The following CPLANE1 variants were observed in gnomAD, a reference collection of about 807,000 sequenced individuals.
The protein encoded by CPLANE1 is ciliogenesis and planar polarity effector 1.
CPLANE1 carries 263 observed loss-of-function variants against 362.5 expected under a neutral mutation model. The ratio of observed to expected loss-of-function variants is 0.73; its 90% CI spans 0.66 to 0.80. The LOEUF (loss-of-function observed/expected upper bound fraction) is 0.80, where lower values mean the gene tolerates loss of function less well. Among genes scored for constraint, CPLANE1 ranks in the 30% least tolerant of loss-of-function variants. CPLANE1 has a pLI of 0.00. For synonymous variants in CPLANE1, 1,212 were observed against 1,302.6 expected, an observed-to-expected ratio of 0.93 and a Z score of 1.50; for missense variants, 3,461 against 3,793.4, an observed-to-expected ratio of 0.91 and a Z score of 2.30.
At chr5:37,076,325 CTTTTG>C in the CPLANE1 span, among the ~76,000 whole-genome samples, 25 of 150,002 alleles carry the variant, frequency 1.7e-4, no homozygotes, top group East Asian at 3.9e-4. Flanking sequence ...CTTTTTTTTT[CTTTTG>C]TTTTTGTTTT....
At position 37,227,628 on chromosome 5, in the gene CPLANE1, T is replaced by A. The variant is rs761587080; in HGVS notation, c.1311A>T (p.Ser437=). Residue 437 remains serine, a synonymous_variant, in exon 10 of 53, where the codon TCA becomes TCT. Coordinates refer to ENST00000651892, the MANE Select transcript of CPLANE1 (RefSeq NM_001384732.1). ...DSLSPSVHMR[S]LLLDSTQRLE... The stretch of plus-strand genomic sequence containing the variant: ...GCCTCTGGGTTGAATCAAGTAGAAG[T>A]GATCTCATGTGTACTGATGGAGATA... The A allele has an allele frequency of 4.5e-6, 7 of 1,551,094 alleles. No individual in the cohort carries two copies. In the South Asian group the frequency reaches 8.3e-5, roughly 18 times the overall value.
intron 16 of CPLANE1, chr5:37,210,979 T>C: frequency 3.8e-6 from 3 of 783,758 alleles, no homozygotes; most frequent in Non-Finnish European, 7.1e-6. Context: ...ACTATTCAGG[T>C]TGCCGATTTA....
chr5:37,093,340 A>G, the CPLANE1 span, among the ~76,000 whole-genome samples: 2 of 152,240 alleles, frequency 1.3e-5, no homozygotes, highest in Non-Finnish European at 2.9e-5. Context: ...CTGGCATTCC[A>G]ACAGCAATTA....
At chr5:37,143,016 T>C (rs1399833673) in intron 43 of CPLANE1, among the ~76,000 whole-genome samples, 2 of 152,214 alleles carry the variant, frequency 1.3e-5, no homozygotes, top group Admixed American at 6.5e-5. Flanking sequence ...TCTATCTGCA[T>C]GGACAGCAGC....
Position 37,245,584 on chromosome 5 carries a change from C to A in CPLANE1, c.232G>T (p.Gly78Trp). The change falls in exon 4 of 53, where the codon GGG becomes TGG. Residue 78 changes from glycine (G) to tryptophan (W), a missense_variant. Transcript: ENST00000651892. ...AAAAGCTCTCCTGTAGTTAGTACCCCAGCCAGCCAGGCATCTGTTTCCAAA... is the reference window on the plus strand; with the variant it reads ...AAAAGCTCTCCTGTAGTTAGTACCCAAGCCAGCCAGGCATCTGTTTCCAAA... The part of the protein sequence containing the change: ...TTSSNDAWLA[G>W]VLTTGELFLW... 1 of 1,515,410 alleles carries A rather than the reference C, an allele frequency of 6.6e-7. No homozygotes were observed. The highest frequency in any genetic ancestry group is 8.8e-7 in the Non-Finnish European group (1 of 1,132,220). 93.9% of individuals were successfully genotyped at this position (1,515,410 alleles called of 1,614,324 possible). A position where few individuals can be genotyped will look rare whatever the true frequency, so the allele number is the denominator to read the frequency against.
the CPLANE1 span, among the ~76,000 whole-genome samples, chr5:37,095,439 T>C: frequency 6.6e-6 from 1 of 152,160 alleles, no homozygotes; most frequent in Non-Finnish European, 1.5e-5. Context: ...TACCTCAATG[T>C]AATAAAAGAC....
Position 37,226,606 on chromosome 5 carries a change from C to T in CPLANE1, c.1989G>A (p.Leu663=). The change falls in exon 12 of 53, where the codon CTG becomes CTA. Residue 663 remains leucine (L), a synonymous_variant. Transcript: ENST00000651892. ...GCAAAAGTTTTACAGTATTTGAGGTCAGCTTTATCAAATGCCCCACATCTT... is the reference window on the plus strand; with the variant it reads ...GCAAAAGTTTTACAGTATTTGAGGTTAGCTTTATCAAATGCCCCACATCTT... The part of the protein sequence containing the change: ...YKQDVGHLIK[L]TSNTVKLLLT... 1.3e-6 allele frequency: 2 copies of T among 1,551,438 alleles called. No homozygotes were observed. Among genetic ancestry groups the T allele is most frequent in the Non-Finnish European group, 1.7e-6 (2 of 1,146,874 alleles).
At chr5:37,231,177 G>A in intron 8 of CPLANE1, 128 bp from the exon 9 acceptor site, 1 of 496,392 alleles carries the variant, frequency 2.0e-6, no homozygotes, top group Non-Finnish European at 3.3e-6. Flanking sequence ...ACTAATAGTA[G>A]ACAATTGCCA....
At chr5:37,130,196 G>T (rs912097446) in intron 46 of CPLANE1, among the ~76,000 whole-genome samples, 1 of 152,250 alleles carries the variant, frequency 6.6e-6, no homozygotes, top group East Asian at 1.9e-4. Context: ...AGGAGGCAAA[G>T]GCATAAGAAT....
At chr5:37,141,014 A>G in intron 44 of CPLANE1, 1 of 985,414 alleles carries the variant, frequency 1.0e-6, no homozygotes, top group Non-Finnish European at 1.2e-6. Flanking sequence ...GACTCTGGCA[A>G]CACTAAACAA....
At chr5:37,143,076 A>T (rs1770287976) in intron 43 of CPLANE1, among the ~76,000 whole-genome samples, 1 of 152,242 alleles carries the variant, frequency 6.6e-6, no homozygotes, top group African/African-American at 2.4e-5. Context: ...CTGACTTGCC[A>T]CAAGCATGAA....
At chr5:37,091,869 A>G in the CPLANE1 span, among the ~76,000 whole-genome samples, 1 of 152,198 alleles carries the variant, frequency 6.6e-6, no homozygotes, top group Admixed American at 6.5e-5. Context: ...CAGGATCCAC[A>G]GCCCCAGACG....
At chr5:37,170,373 C>T in intron 32 of CPLANE1, 42 bp from the exon 33 acceptor site, 1 of 1,535,152 alleles carries the variant, frequency 6.5e-7, no homozygotes, top group Non-Finnish European at 8.9e-7. Context: ...TAAAATATAA[C>T]AAAAAGAATC....
chr5:37,085,138 C>T, the CPLANE1 span: 9 of 759,424 alleles, frequency 1.2e-5, no homozygotes, highest in South Asian at 1.3e-4. Context: ...AGTGTGTTTG[C>T]TCCTTGTCCA....
chr5:37,159,389 G>A (rs1776233780), intron 38 of CPLANE1, among the ~76,000 whole-genome samples: 1 of 152,176 alleles, frequency 6.6e-6, no homozygotes, highest in Admixed American at 6.5e-5. Flanking sequence ...GGGATTACAG[G>A]CGTGAGCCAC....
At chr5:37,238,712 T>C (rs1041312886) in intron 8 of CPLANE1, 145 bp downstream of exon 8, 4 of 438,292 alleles carry the variant, frequency 9.1e-6, no homozygotes, top group East Asian at 3.6e-5. Context: ...TTGCCCAAGC[T>C]GGTCTCAAAC....
intron 8 of CPLANE1, among the ~76,000 whole-genome samples, chr5:37,237,210 T>C (rs765799719): frequency 5.3e-5 from 8 of 152,146 alleles, no homozygotes; most frequent in South Asian, 2.1e-4. Flanking sequence ...CAACAAAGGA[T>C]TGGATAAAGA....
chr5:37,249,256 G>T lies in CPLANE1; in HGVS notation c.-59C>A, dbSNP rs1450654347. 1.3e-5 allele frequency: 2 copies of T among 152,628 alleles called. No homozygotes were observed. The highest frequency in any genetic ancestry group is 1.9e-4 in the East Asian group (1 of 5,214). The allele number at this position is 152,628 out of a possible 1,614,324, so 9.5% of individuals were successfully genotyped here. On this transcript the variant is annotated 5_prime_UTR_variant, in exon 1 of 53. Transcript: ENST00000651892. Reference sequence around the variant, plus strand: ...CCGCGGGCAGTTACCTCCGCCAGGGGCAGGGTCCGGCCAGTCAGGCGCGAG... The same window carrying T: ...CCGCGGGCAGTTACCTCCGCCAGGGTCAGGGTCCGGCCAGTCAGGCGCGAG...
chr5:37,195,771 G>A (rs866940621), intron 21 of CPLANE1, 87 bp downstream of exon 21: 2 of 1,293,658 alleles, frequency 1.5e-6, no homozygotes, highest in Admixed American at 2.4e-5. Flanking sequence ...AGAGCATATT[G>A]TACTTTGAAG....
Sources: gnomAD v4.1 joint callset for allele counts (sites outside exome capture counted in the v4.1 genomes callset) on GRCh38, gnomAD v4.1.1 for gene constraint, MANE v1.5 for transcripts, NCBI Gene and HGNC (gene_info 2026-07-23, HGNC 2026-07-21) for gene names.